The following ATXN1 variants were observed in gnomAD, a reference collection of about 807,000 sequenced individuals.
The protein encoded by ATXN1 is ataxin-1.
Under a neutral mutation model 56.4 loss-of-function variants are expected in ATXN1, and 8 were observed. The observed-to-expected ratio is 0.14, with a 90% confidence interval of 0.08 to 0.26. The LOEUF is 0.26. Ranked by LOEUF, ATXN1 falls within the 10% of genes least tolerant of loss-of-function variation. The probability of loss-of-function intolerance (pLI) is 1.00; values close to 1 mark genes in which losing one functional copy is unlikely to be tolerated. For synonymous variants in ATXN1, 514 were observed against 494.6 expected, an observed-to-expected ratio of 1.04 and a Z score of -0.52; for missense variants, 987 against 1,106.5, an observed-to-expected ratio of 0.89 and a Z score of 1.53.
At chr6:16,444,589 G>A (rs1057263506) in intron 6 of ATXN1, among the ~76,000 whole-genome samples, 3 of 152,066 alleles carry the variant, frequency 2.0e-5, no homozygotes, top group African/African-American at 4.8e-5. Context: ...TAGCTGTATC[G>A]TGCAAATTGG....
chr6:16,366,087 T>A (rs1261430076), intron 6 of ATXN1, among the ~76,000 whole-genome samples: 1 of 152,216 alleles, frequency 6.6e-6, no homozygotes, highest in East Asian at 1.9e-4. Flanking sequence ...CCAACAGCAA[T>A]CTTTAAAGAA....
At chr6:16,365,220 A>G (rs1187763393) in intron 6 of ATXN1, among the ~76,000 whole-genome samples, 2 of 152,160 alleles carry the variant, frequency 1.3e-5, no homozygotes, top group Non-Finnish European at 2.9e-5. Context: ...TCTGTTGCCC[A>G]GGCTGGAGTG....
At chr6:16,579,556 C>G (rs1561764612) in intron 4 of ATXN1, among the ~76,000 whole-genome samples, 1 of 138,668 alleles carries the variant, frequency 7.2e-6, no homozygotes, top group Non-Finnish European at 1.5e-5. Flanking sequence ...GCTTTATCTG[C>G]AGACACACTC....
chr6:16,758,417 T>C (rs959192695), intron 1 of ATXN1, among the ~76,000 whole-genome samples: 16 of 152,298 alleles, frequency 1.1e-4, no homozygotes, highest in Admixed American at 9.1e-4. Context: ...ACCAGCAGGA[T>C]TGTCAGGCTC....
chr6:16,700,081 A>G (rs1336688582), intron 2 of ATXN1, among the ~76,000 whole-genome samples: 1 of 152,196 alleles, frequency 6.6e-6, no homozygotes, highest in Non-Finnish European at 1.5e-5. Flanking sequence ...TCTCCTTTTC[A>G]GTGACATTTT....
At chr6:16,573,026 C>T (rs1561760942) in intron 4 of ATXN1, among the ~76,000 whole-genome samples, 1 of 152,162 alleles carries the variant, frequency 6.6e-6, no homozygotes, top group Non-Finnish European at 1.5e-5. Flanking sequence ...GATCTTCTAA[C>T]ACTGTTCATG....
intron 6 of ATXN1, among the ~76,000 whole-genome samples, chr6:16,347,057 G>A (rs897219190): frequency 1.3e-5 from 2 of 152,254 alleles, no homozygotes; most frequent in African/African-American, 4.8e-5. Context: ...TTTCTCGCCA[G>A]GCCTTAGCTG....
rs1382347177 is a variant in ATXN1, at chr6:16,760,133, A to G, written c.-730+1165T>C. Among the ~76,000 whole-genome samples, 1 of 151,832 alleles carries G rather than the reference A, an allele frequency of 6.6e-6. No homozygotes were observed. The highest frequency in any genetic ancestry group is 2.4e-5 in the African/African-American group (1 of 41,350). ...GCGCGCAGCACTGGAACCACGTAGG[A>G]GGAGGCGGCGGCGCCCCCGGGAGTG... On this transcript the variant is annotated intron_variant, in intron 1 of 7. Transcript: ENST00000436367. This position sits in a 1 kb window ranked among gnomAD's most constrained non-coding sequence, Gnocchi z 5.3.
At chr6:16,730,611 C>T (rs1253210236) in intron 2 of ATXN1, among the ~76,000 whole-genome samples, 1 of 151,400 alleles carries the variant, frequency 6.6e-6, no homozygotes, top group Admixed American at 6.6e-5. Flanking sequence ...AATGTCCCAC[C>T]TTCCTTAGGA....
intron 4 of ATXN1, among the ~76,000 whole-genome samples, chr6:16,581,201 G>C (rs2113760390): frequency 8.5e-6 from 1 of 118,194 alleles, no homozygotes; most frequent in South Asian, 2.4e-4. Context: ...TGCACTGTGT[G>C]TGTGTGTGTG....
intron 3 of ATXN1, among the ~76,000 whole-genome samples, chr6:16,616,924 A>G (rs950754624): frequency 1.1e-4 from 16 of 151,710 alleles, no homozygotes; most frequent in Non-Finnish European, 2.1e-4. Flanking sequence ...TCACATCCAC[A>G]TAACTTTTAT....
At chr6:16,389,337 C>CG (rs1758305492) in intron 6 of ATXN1, among the ~76,000 whole-genome samples, 1 of 125,654 alleles carries the variant, frequency 8.0e-6, no homozygotes, top group Non-Finnish European at 1.6e-5. Context: ...ACTCCATCTC[C>CG]AAAAAAAAAG....
At chr6:16,671,135 A>G (rs1758531417) in intron 2 of ATXN1, among the ~76,000 whole-genome samples, 1 of 152,234 alleles carries the variant, frequency 6.6e-6, no homozygotes, top group Non-Finnish European at 1.5e-5. Context: ...AGATGATGCC[A>G]TAATTGTCCA....
chr6:16,587,150 G>A (rs560516167), intron 3 of ATXN1, among the ~76,000 whole-genome samples: 4 of 152,200 alleles, frequency 2.6e-5, no homozygotes, highest in South Asian at 4.2e-4. Flanking sequence ...AAGTGAAACC[G>A]ACATGTTCAT....
intron 6 of ATXN1, among the ~76,000 whole-genome samples, chr6:16,472,964 T>TATA (rs1282769226): frequency 6.6e-6 from 1 of 152,130 alleles, no homozygotes; most frequent in African/African-American, 2.4e-5. Context: ...CCTGGAAGAT[T>TATA]AGGTCCTGGG....
intron 2 of ATXN1, among the ~76,000 whole-genome samples, chr6:16,721,777 T>A (rs958339999): frequency 2.0e-5 from 3 of 152,220 alleles, no homozygotes; most frequent in African/African-American, 7.2e-5. Flanking sequence ...TAACATTTTG[T>A]TAAGCCTTTC....
rs1760057124 is a variant in ATXN1 at position 16,300,449 on chromosome 6, G to A, written c.*5880C>T. The A allele has an allele frequency of 6.6e-6, 1 of 151,850 alleles. No individual in the cohort carries two copies. The highest frequency in any genetic ancestry group is 6.6e-5 in the Admixed American group (1 of 15,236). The allele number at this position is 151,850 out of a possible 1,614,324, so 9.4% of individuals were successfully genotyped here. ...GGACGAGATTCTGAATTTAAGAATT[G>A]TAAGTGGGGGTGCTTAATATCCCCA... On this transcript the variant is annotated 3_prime_UTR_variant, in exon 8 of 8. Coordinates refer to ENST00000436367, the MANE Select transcript of ATXN1 (RefSeq NM_001128164.2).
intron 2 of ATXN1, among the ~76,000 whole-genome samples, chr6:16,711,849 C>T (rs1212966469): frequency 6.6e-6 from 1 of 152,164 alleles, no homozygotes; most frequent in Non-Finnish European, 1.5e-5. Context: ...AACTTCTAGA[C>T]TCAAGCAATA....
intron 3 of ATXN1, among the ~76,000 whole-genome samples, chr6:16,642,788 C>G (rs60725859): frequency 0.035 from 5,401 of 152,248 alleles, 228 homozygotes; most frequent in African/African-American, 0.098. Flanking sequence ...TGATCGTTAA[C>G]AGTTTTTAGC....
Sources: gnomAD v4.1 joint callset for allele counts (sites outside exome capture counted in the v4.1 genomes callset) on GRCh38, gnomAD v4.1.1 for gene constraint, Gnocchi (gnomAD v3.1) non-coding constraint, MANE v1.5 for transcripts, NCBI Gene and HGNC (gene_info 2026-07-23, HGNC 2026-07-21) for gene names.